The following PLCB4 variants were observed in gnomAD, a reference collection of about 807,000 sequenced individuals.
The protein encoded by PLCB4 is phospholipase C beta 4, also known as 1-phosphatidylinositol 4,5-bisphosphate phosphodiesterase beta-4.
PLCB4 carries 77 observed loss-of-function variants against 178.8 expected under a neutral mutation model. That is an observed-to-expected ratio of 0.43 (90% CI 0.36 to 0.52). The LOEUF (loss-of-function observed/expected upper bound fraction) is 0.52, where lower values mean the gene tolerates loss of function less well. PLCB4 is among the 20% of genes least tolerant of loss of function. The pLI is 0.00. For synonymous variants in PLCB4, 496 were observed against 490.8 expected (o/e 1.01, Z -0.14); for missense variants, 1,024 against 1,453.4 (o/e 0.70, Z 4.80).
chr20:9,360,526 C>T (rs2035231595), intron 7 of PLCB4, among the ~76,000 whole-genome samples: 1 of 150,376 alleles, frequency 6.6e-6, no homozygotes, highest in Non-Finnish European at 1.5e-5. Context: ...TGTTTTAGAA[C>T]ATGTAGTAAG....
At chr20:9,132,177 T>A (rs903717621) in intron 2 of PLCB4, among the ~76,000 whole-genome samples, 4 of 152,176 alleles carry the variant, frequency 2.6e-5, no homozygotes, top group Non-Finnish European at 5.9e-5. Flanking sequence ...CTTTACATGG[T>A]CTGTGCAAAA....
At chr20:9,352,867 T>A (rs1212357054) in intron 7 of PLCB4, among the ~76,000 whole-genome samples, 1 of 152,230 alleles carries the variant, frequency 6.6e-6, no homozygotes, top group Non-Finnish European at 1.5e-5. Context: ...CCCATGCTAA[T>A]AGATGGCAGC....
chr20:9,317,073 T>G (rs1350153746), intron 4 of PLCB4, among the ~76,000 whole-genome samples: 1 of 152,194 alleles, frequency 6.6e-6, no homozygotes, highest in East Asian at 1.9e-4. Flanking sequence ...TATTCAACTT[T>G]GTCATTGTAG....
chr20:9,127,628 G>A (rs1037146299), intron 2 of PLCB4, among the ~76,000 whole-genome samples: 10 of 141,994 alleles, frequency 7.0e-5, no homozygotes, highest in African/African-American at 3.0e-4. Flanking sequence ...TAAAAAAAAC[G>A]GTGGTAAAAT....
chr20:9,117,158 A>G (rs1484591889), intron 2 of PLCB4, among the ~76,000 whole-genome samples: 1 of 152,182 alleles, frequency 6.6e-6, no homozygotes, highest in Non-Finnish European at 1.5e-5. Flanking sequence ...TAATGACTAT[A>G]TAATACTTCA....
At chr20:9,099,405 T>C (rs965216256) in intron 2 of PLCB4, among the ~76,000 whole-genome samples, 3 of 152,190 alleles carry the variant, frequency 2.0e-5, no homozygotes, top group Admixed American at 6.5e-5. Context: ...CTTGGTTAGA[T>C]GTATTCTTCA....
intron 2 of PLCB4, among the ~76,000 whole-genome samples, chr20:9,111,084 G>A (rs192473454): frequency 7.9e-5 from 12 of 152,164 alleles, no homozygotes; most frequent in Non-Finnish European, 1.3e-4. Flanking sequence ...TGTCATATAC[G>A]TTTGGGAAAA....
At chr20:9,302,000 T>C (rs2094710713) in intron 3 of PLCB4, among the ~76,000 whole-genome samples, 1 of 152,180 alleles carries the variant, frequency 6.6e-6, no homozygotes, top group South Asian at 2.1e-4. Context: ...CCACTTCCCG[T>C]GTTCCTCAAA....
At chr20:9,437,242 C>A in intron 30 of PLCB4, 90 bp downstream of exon 30, 2 of 1,214,652 alleles carry the variant, frequency 1.6e-6, no homozygotes, top group South Asian at 3.3e-5. Context: ...TATATAAATT[C>A]GAAGTTCTTT....
chr20:9,101,180 C>T (rs2091135618), intron 2 of PLCB4, among the ~76,000 whole-genome samples: 1 of 152,078 alleles, frequency 6.6e-6, no homozygotes, highest in Non-Finnish European at 1.5e-5. Context: ...GGAACAGCCT[C>T]CATTTGTATG....
At chr20:9,323,741 C>G (rs995979837) in intron 4 of PLCB4, among the ~76,000 whole-genome samples, 2 of 152,242 alleles carry the variant, frequency 1.3e-5, no homozygotes, top group Non-Finnish European at 2.9e-5. Context: ...GGCTTCAGCA[C>G]CCTCAAAATG....
At chr20:9,177,877 G>A (rs2093181203) in intron 2 of PLCB4, among the ~76,000 whole-genome samples, 2 of 152,128 alleles carry the variant, frequency 1.3e-5, no homozygotes, top group Admixed American at 6.5e-5. Context: ...TTTTGTAGAA[G>A]GAAGATACTT....
At position 9,337,134 on chromosome 20, in the gene PLCB4, T is replaced by C; in HGVS notation, c.93T>C (p.Phe31=). Reference sequence around the variant, plus strand: ...ACATTTCTTTTTGACAGGAATCCTTTGTGTTTGAACCCAACTGCCTCTTCA... The same window carrying C: ...ACATTTCTTTTTGACAGGAATCCTTCGTGTTTGAACCCAACTGCCTCTTCA... ...AVFDRYEEES[F]VFEPNCLFKV... Residue 31 remains phenylalanine (F), a synonymous_variant, in exon 5 of 40, where the codon TTT becomes TTC. Transcript: ENST00000378473. The C allele has an allele frequency of 6.2e-7, 1 of 1,611,052 alleles. No individual in the cohort carries two copies. Among genetic ancestry groups the C allele is most frequent in the Non-Finnish European group, 8.5e-7 (1 of 1,177,336 alleles).
intron 28 of PLCB4, among the ~76,000 whole-genome samples, chr20:9,432,992 G>A (rs1018656437): frequency 5.3e-5 from 8 of 152,132 alleles, no homozygotes; most frequent in Non-Finnish European, 7.3e-5. Context: ...GAGAATCACC[G>A]AATTGTTGTG....
intron 32 of PLCB4, among the ~76,000 whole-genome samples, chr20:9,445,463 T>A (rs1421695190): frequency 6.6e-6 from 1 of 152,230 alleles, no homozygotes; most frequent in African/African-American, 2.4e-5. Flanking sequence ...GAGAACATTG[T>A]CTGGAACCCT....
intron 4 of PLCB4, among the ~76,000 whole-genome samples, chr20:9,311,340 A>G (rs908367439): frequency 2.0e-5 from 3 of 152,158 alleles, no homozygotes; most frequent in Non-Finnish European, 4.4e-5. Context: ...TTCCAGAAAT[A>G]CAAGGATGTT....
chr20:9,131,697 T>C (rs1017256324), intron 2 of PLCB4, among the ~76,000 whole-genome samples: 1 of 152,186 alleles, frequency 6.6e-6, no homozygotes, highest in Admixed American at 6.5e-5. Flanking sequence ...TGGTAGACTG[T>C]TACATTTGGT....
intron 2 of PLCB4, among the ~76,000 whole-genome samples, chr20:9,178,482 A>G (rs2093191313): frequency 6.6e-6 from 1 of 152,022 alleles, no homozygotes; most frequent in Non-Finnish European, 1.5e-5. Flanking sequence ...AATAAAATTG[A>G]TGGTAAAACT....
At chr20:9,174,504 C>G (rs2093121706) in intron 2 of PLCB4, among the ~76,000 whole-genome samples, 1 of 150,972 alleles carries the variant, frequency 6.6e-6, no homozygotes, top group Admixed American at 6.6e-5. Flanking sequence ...ATATTTCAAG[C>G]CTTTTTTACA....
Sources: allele counts gnomAD v4.1 joint callset (sites outside exome capture counted in the v4.1 genomes callset), GRCh38; gene constraint gnomAD v4.1.1; transcripts MANE v1.5; gene names NCBI Gene and HGNC (gene_info 2026-07-23, HGNC 2026-07-21).